Variants in PTPRD observed in about 807,000 individuals in gnomAD.
The protein encoded by PTPRD is receptor-type tyrosine-protein phosphatase delta.
In PTPRD, 34 loss-of-function variants were observed where a neutral mutation model predicts 214.5. The observed-to-expected ratio is 0.16, with a 90% CI of 0.12 to 0.21. The LOEUF (loss-of-function observed/expected upper bound fraction) is 0.21. Among genes scored for constraint, PTPRD ranks in the 10% least tolerant of loss-of-function variants. PTPRD has a pLI of 1.00. For synonymous variants in PTPRD, 1,128 were observed against 845.7 expected, an observed-to-expected ratio of 1.33 and a Z score of -5.79; for missense variants, 2,545 against 2,398.7, an observed-to-expected ratio of 1.06 and a Z score of -1.27.
intron 26 of PTPRD, 105 bp downstream of exon 26, chr9:8,497,137 T>C: frequency 4.2e-6 from 4 of 957,342 alleles, no homozygotes; most frequent in Non-Finnish European, 6.2e-6. Flanking sequence ...TGTTAGTTCA[T>C]GCATCCAAGC....
At chr9:9,478,049 A>T (rs2146926064) in intron 8 of PTPRD, among the ~76,000 whole-genome samples, 1 of 152,332 alleles carries the variant, frequency 6.6e-6, no homozygotes, top group Non-Finnish European at 1.5e-5. Flanking sequence ...GACCGTTCTG[A>T]AAAATTTGTG....
intron 3 of PTPRD, among the ~76,000 whole-genome samples, chr9:10,047,579 TG>T (rs2097430046): frequency 6.6e-6 from 1 of 152,072 alleles, no homozygotes; most frequent in Non-Finnish European, 1.5e-5. Context: ...CATACTTTTT[TG>T]TTCCCACCTC....
intron 2 of PTPRD, among the ~76,000 whole-genome samples, chr9:10,490,678 C>A (rs1184282079): frequency 6.6e-6 from 1 of 152,096 alleles, no homozygotes; most frequent in Non-Finnish European, 1.5e-5. Context: ...CAGTTTTCCT[C>A]CTGTCTTTAA....
At chr9:9,804,969 T>C (rs74593759) in intron 5 of PTPRD, among the ~76,000 whole-genome samples, 4,741 of 152,194 alleles carry the variant, frequency 0.031, 231 homozygotes, top group African/African-American at 0.11. Context: ...AATTTACTGA[T>C]AGTAACACCT....
intron 14 of PTPRD, among the ~76,000 whole-genome samples, chr9:8,586,868 C>A (rs765558176): frequency 1.3e-5 from 2 of 152,166 alleles, no homozygotes; most frequent in Non-Finnish European, 2.9e-5. Flanking sequence ...CTGAAGCCGG[C>A]TGGGCGCCGT....
chr9:9,394,436 T>G (rs779081108), intron 9 of PTPRD, among the ~76,000 whole-genome samples: 9 of 152,160 alleles, frequency 5.9e-5, no homozygotes, highest in Non-Finnish European at 1.3e-4. Flanking sequence ...TCACAACTGA[T>G]TGGAAGTTTA....
chr9:9,024,307 G>C (rs544348085), intron 10 of PTPRD, among the ~76,000 whole-genome samples: 2 of 148,208 alleles, frequency 1.3e-5, no homozygotes, highest in Admixed American at 1.3e-4. Flanking sequence ...TAATTTGTTA[G>C]ACCTGTCGAA....
chr9:10,275,535 T>A (rs1238514845), intron 3 of PTPRD, among the ~76,000 whole-genome samples: 1 of 152,058 alleles, frequency 6.6e-6, no homozygotes, highest in East Asian at 1.9e-4. Context: ...TATAATCAGG[T>A]GTTGATCATA....
At chr9:10,159,699 A>C (rs1227510169) in intron 3 of PTPRD, among the ~76,000 whole-genome samples, 1 of 152,078 alleles carries the variant, frequency 6.6e-6, no homozygotes, top group Non-Finnish European at 1.5e-5. Context: ...GGAAGTGAGA[A>C]ATATATTTGC....
chr9:9,322,377 T>C (rs1966875430), intron 9 of PTPRD, among the ~76,000 whole-genome samples: 2 of 152,160 alleles, frequency 1.3e-5, no homozygotes, highest in South Asian at 4.1e-4. Flanking sequence ...GAAGAGTATA[T>C]TCATTATTGT....
In PTPRD at chr9:9,464,888, G is replaced by A. The variant is rs144611302; in HGVS notation, c.-236-67406C>T. 7.4e-3 allele frequency among the ~76,000 whole-genome samples: 1,122 copies of A among 152,280 alleles called. 9 individuals are homozygous for A. Among genetic ancestry groups the A allele is most frequent in the African/African-American group, 0.026 (1,083 of 41,554 alleles). On this transcript the variant is annotated intron_variant, in intron 8 of 45. Transcript: ENST00000381196. ...TTCCCTAGGCTTAACCTTATGGGAT[G>A]TTAATTAAGCATGTCCAATGCAGGC... is the stretch of plus-strand genomic sequence containing the variant.
At chr9:9,233,437 A>G (rs985166179) in intron 9 of PTPRD, among the ~76,000 whole-genome samples, 3 of 152,200 alleles carry the variant, frequency 2.0e-5, no homozygotes, top group Admixed American at 6.5e-5. Flanking sequence ...GAGCCAAACC[A>G]TATCATTCTG....
intron 2 of PTPRD, among the ~76,000 whole-genome samples, chr9:10,360,293 A>T (rs988040517): frequency 1.3e-5 from 2 of 152,268 alleles, no homozygotes; most frequent in African/African-American, 4.8e-5. Flanking sequence ...TTGGACTTTA[A>T]TAAAAATTTA....
chr9:8,758,062 G>C (rs1174869033), intron 11 of PTPRD, among the ~76,000 whole-genome samples: 2 of 152,174 alleles, frequency 1.3e-5, no homozygotes, highest in African/African-American at 2.4e-5. Flanking sequence ...CCATCTGTGT[G>C]AAATGAAATA....
At chr9:9,858,607 C>T (rs985851145) in intron 5 of PTPRD, among the ~76,000 whole-genome samples, 1 of 152,134 alleles carries the variant, frequency 6.6e-6, no homozygotes, top group Non-Finnish European at 1.5e-5. Flanking sequence ...AGCAGTTAGC[C>T]ATTGGTCCGT....
intron 10 of PTPRD, among the ~76,000 whole-genome samples, chr9:9,167,224 C>G (rs2099906057): frequency 6.6e-6 from 1 of 151,762 alleles, no homozygotes; most frequent in South Asian, 2.1e-4. Context: ...TTTTTCTCTT[C>G]ACAATTACCA....
At chr9:10,287,786 C>T (rs1440076552) in intron 3 of PTPRD, among the ~76,000 whole-genome samples, 2 of 151,998 alleles carry the variant, frequency 1.3e-5, no homozygotes, top group Admixed American at 6.6e-5. Flanking sequence ...AGCAACTATC[C>T]CAATTTAGAA....
chr9:9,259,942 T>C (rs1040359481), intron 9 of PTPRD, among the ~76,000 whole-genome samples: 1 of 151,968 alleles, frequency 6.6e-6, no homozygotes, highest in Non-Finnish European at 1.5e-5. Flanking sequence ...CTTGTGGCCT[T>C]AGCTGGACAA....
At chr9:9,977,580 A>C (rs1478309993) in intron 4 of PTPRD, among the ~76,000 whole-genome samples, 1 of 152,192 alleles carries the variant, frequency 6.6e-6, no homozygotes, top group African/African-American at 2.4e-5. Context: ...TTGTTCAAAA[A>C]TACTAAGATA....
Sources: gnomAD v4.1 joint callset for allele counts (sites outside exome capture counted in the v4.1 genomes callset) on GRCh38, gnomAD v4.1.1 for gene constraint, MANE v1.5 for transcripts, NCBI Gene and HGNC (gene_info 2026-07-23, HGNC 2026-07-21) for gene names.